RIMBP2: variants seen among roughly 807,000 people sequenced by gnomAD.
The protein encoded by RIMBP2 is RIMS binding protein 2.
A neutral mutation model predicts 118.6 loss-of-function variants in RIMBP2; 48 were observed. The observed-to-expected ratio is 0.40, with a 90% CI of 0.32 to 0.51. The LOEUF (loss-of-function observed/expected upper bound fraction) is 0.51, where lower values mean the gene tolerates loss of function less well. Ranked by LOEUF, RIMBP2 falls within the 20% of genes least tolerant of loss-of-function variation. RIMBP2 has a pLI of 0.41. For synonymous variants in RIMBP2, 762 were observed against 742.9 expected, an observed-to-expected ratio of 1.03 and a Z score of -0.42; for missense variants, 1,551 against 1,768.3, an observed-to-expected ratio of 0.88 and a Z score of 2.20.
intron 2 of RIMBP2, among the ~76,000 whole-genome samples, chr12:130,604,182 A>C (rs539868761): frequency 2.0e-4 from 30 of 152,250 alleles, no homozygotes; most frequent in African/African-American, 6.0e-4. Flanking sequence ...AAATAGAAAA[A>C]AATTCTTATG....
Position 130,422,399 on chromosome 12 carries a change from G to A in RIMBP2, c.3238+54C>T. 1 of 1,271,972 alleles carries A rather than the reference G, an allele frequency of 7.9e-7. No homozygotes were observed. Among genetic ancestry groups the A allele is most frequent in the Non-Finnish European group, 1.1e-6 (1 of 884,036 alleles). 78.8% of individuals were successfully genotyped at this position (1,271,972 alleles called of 1,614,324 possible). A position where few individuals can be genotyped will look rare whatever the true frequency, so the allele number is the denominator to read the frequency against. On this transcript the variant is annotated intron_variant, in intron 17 of 22. Coordinates refer to ENST00000690449, the MANE Select transcript of RIMBP2 (RefSeq NM_001393629.1). The surrounding 1 kb of genome is among the most constrained non-coding windows in gnomAD (Gnocchi z 5.2). ...TTTTGTTCATGCTTAGATGGAGTAAGCAGCCACATGCTCCGCGGCTGAAAG... is the reference window on the plus strand; with the variant it reads ...TTTTGTTCATGCTTAGATGGAGTAAACAGCCACATGCTCCGCGGCTGAAAG...
intron 1 of RIMBP2, among the ~76,000 whole-genome samples, chr12:130,680,586 C>T (rs192975141): frequency 7.3e-4 from 111 of 152,302 alleles, no homozygotes; most frequent in African/African-American, 2.4e-3. Context: ...CTTCTAGGAC[C>T]GCGGCTCTCG....
chr12:130,428,146 G>A (rs777357840), intron 15 of RIMBP2, 33 bp downstream of exon 15: 23 of 1,549,642 alleles, frequency 1.5e-5, no homozygotes, highest in Admixed American at 5.6e-5. Flanking sequence ...CTCTGGGGAC[G>A]GAGTGCAGGG....
intron 2 of RIMBP2, among the ~76,000 whole-genome samples, chr12:130,536,475 G>T (rs190110456): frequency 6.6e-6 from 1 of 151,938 alleles, no homozygotes; most frequent in Non-Finnish European, 1.5e-5. Flanking sequence ...TCCTTTATTC[G>T]CATCAAAAAA....
At chr12:130,535,702 TACAC>T in intron 2 of RIMBP2, among the ~76,000 whole-genome samples, 1 of 143,890 alleles carries the variant, frequency 6.9e-6, no homozygotes, top group African/African-American at 2.5e-5. Context: ...TACATATATA[TACAC>T]ATATACATAT....
At chr12:130,682,472 C>G (rs916184562) in intron 1 of RIMBP2, among the ~76,000 whole-genome samples, 2 of 152,256 alleles carry the variant, frequency 1.3e-5, no homozygotes, top group African/African-American at 4.8e-5. Flanking sequence ...ATTAACCTGA[C>G]TAACACCAGC....
At chr12:130,704,978 G>A (rs2066031189) in intron 1 of RIMBP2, among the ~76,000 whole-genome samples, 1 of 152,138 alleles carries the variant, frequency 6.6e-6, no homozygotes, top group South Asian at 2.1e-4. Context: ...AAACTGGGAG[G>A]CTCAAAACAA....
At chr12:130,612,568 G>A (rs2060623019) in intron 2 of RIMBP2, among the ~76,000 whole-genome samples, 1 of 152,182 alleles carries the variant, frequency 6.6e-6, no homozygotes, top group South Asian at 2.1e-4. Context: ...GCACATTATG[G>A]GAAAATGGTG....
chr12:130,479,233 C>G (rs2081731607), intron 4 of RIMBP2, among the ~76,000 whole-genome samples: 1 of 152,252 alleles, frequency 6.6e-6, no homozygotes, highest in African/African-American at 2.4e-5. Context: ...CCCCACCTGC[C>G]ACTTCTCCTC....
chr12:130,680,208 C>T (rs1016046670), intron 1 of RIMBP2, among the ~76,000 whole-genome samples: 4 of 152,242 alleles, frequency 2.6e-5, no homozygotes, highest in African/African-American at 7.2e-5. Context: ...TCTCCCAAAA[C>T]TAAAAATGCA....
At chr12:130,399,272 G>T in intron 22 of RIMBP2, 2 of 558,636 alleles carry the variant, frequency 3.6e-6, no homozygotes, top group Non-Finnish European at 5.3e-6. Context: ...CATGAATGTA[G>T]TCTAATAGTT....
At chr12:130,607,082 G>A (rs1242521595) in intron 2 of RIMBP2, among the ~76,000 whole-genome samples, 1 of 151,984 alleles carries the variant, frequency 6.6e-6, no homozygotes, top group Non-Finnish European at 1.5e-5. Flanking sequence ...TACCCGCCTC[G>A]GCCTCCCAAA....
At chr12:130,655,960 G>C (rs1390996893) in intron 1 of RIMBP2, among the ~76,000 whole-genome samples, 1 of 152,248 alleles carries the variant, frequency 6.6e-6, no homozygotes, top group African/African-American at 2.4e-5. Context: ...GCTGGTGGGA[G>C]CGCTGTCCTG....
chr12:130,580,949 T>G (rs112150539), intron 2 of RIMBP2, among the ~76,000 whole-genome samples: 16 of 108,652 alleles, frequency 1.5e-4, no homozygotes, highest in South Asian at 7.3e-4. Flanking sequence ...GTGTGTGTGT[T>G]TGTTTGTGTG....
chr12:130,583,194 T>C (rs2058588423), intron 2 of RIMBP2, among the ~76,000 whole-genome samples: 1 of 152,170 alleles, frequency 6.6e-6, no homozygotes, highest in Non-Finnish European at 1.5e-5. Context: ...ACACTCTATG[T>C]TGTGTGGCCT....
chr12:130,649,212 T>C (rs2063119037), intron 1 of RIMBP2, among the ~76,000 whole-genome samples: 1 of 146,400 alleles, frequency 6.8e-6, no homozygotes, highest in South Asian at 2.1e-4. Flanking sequence ...CGTGTGTGAC[T>C]GCAAAGCCAG....
rs752813679 is a variant in RIMBP2, at chr12:130,451,221, T to C, written c.478A>G (p.Ser160Gly). The C allele has an allele frequency of 1.2e-6, 2 of 1,614,088 alleles. No homozygotes were observed. Among genetic ancestry groups the C allele is most frequent in the Non-Finnish European group, 1.7e-6 (2 of 1,179,970 alleles). ...TCTGACTCAGATCTGCATCTTGCGC[T>C]ACCGGATCTCGACAGGAAGGTGGGC... ...AKPTFLSRSG[S>G]ARCRSESDME... The change falls in exon 8 of 23, where the codon AGC (serine) becomes GGC (glycine). Residue 160 changes from serine (S) to glycine (G), a missense_variant. By Grantham distance (56) the Ser-to-Gly change is moderately conservative. This residue lies in a region of RIMBP2 where 239 missense variants were observed against 256.8 expected (regional missense o/e 0.93). Coordinates refer to ENST00000690449, the MANE Select transcript of RIMBP2 (RefSeq NM_001393629.1).
At chr12:130,552,200 G>A (rs915261454) in intron 2 of RIMBP2, among the ~76,000 whole-genome samples, 3 of 152,206 alleles carry the variant, frequency 2.0e-5, no homozygotes, top group African/African-American at 7.2e-5. Context: ...GAGAAATCAT[G>A]AAATTCACAT....
intron 2 of RIMBP2, among the ~76,000 whole-genome samples, chr12:130,532,197 G>A (rs77047741): frequency 1.2e-4 from 16 of 135,650 alleles, no homozygotes; most frequent in South Asian, 2.6e-4. Flanking sequence ...TGAGATGCGT[G>A]TGTGTAGCCT....
Sources: allele counts gnomAD v4.1 joint callset (sites outside exome capture counted in the v4.1 genomes callset), GRCh38; gene constraint gnomAD v4.1.1; regional missense constraint gnomAD v4.1.1; non-coding constraint Gnocchi (gnomAD v3.1); transcripts MANE v1.5; gene names NCBI Gene and HGNC (gene_info 2026-07-23, HGNC 2026-07-21).